GAB2: variants seen among roughly 807,000 people sequenced by gnomAD.
GAB2 encodes the protein GRB2-associated-binding protein 2.
In GAB2, 26 loss-of-function variants were observed where a neutral mutation model predicts 65.5. The ratio of observed to expected loss-of-function variants is 0.40; its 90% confidence interval spans 0.29 to 0.55. The LOEUF (loss-of-function observed/expected upper bound fraction) is 0.55, where lower values mean the gene tolerates loss of function less well. Ranked by LOEUF, GAB2 falls within the 20% of genes least tolerant of loss-of-function variation. GAB2 has a pLI of 0.53. For synonymous variants in GAB2, 321 were observed against 329.6 expected (o/e 0.97, Z 0.28); for missense variants, 884 against 875.8 (o/e 1.01, Z -0.12).
intron 1 of GAB2, among the ~76,000 whole-genome samples, chr11:78,362,715 C>G (rs371600598): frequency 1.3e-5 from 2 of 152,162 alleles, no homozygotes; most frequent in East Asian, 3.9e-4. Context: ...TAGCTACATA[C>G]TGTTTTTTAA....
intron 2 of GAB2, among the ~76,000 whole-genome samples, chr11:78,266,157 G>A (rs1346470169): frequency 7.8e-6 from 1 of 128,936 alleles, no homozygotes; most frequent in African/African-American, 2.9e-5. Flanking sequence ...GGAGGCTGCA[G>A]TGAGCCAAGA....
chr11:78,301,335 TTG>T lies in GAB2; in HGVS notation c.76-20436_76-20435del, dbSNP rs914650197. Among the ~76,000 whole-genome samples the T allele has an allele frequency of 2.0e-5, 3 of 150,644 alleles. 1 individual carries two copies. Among genetic ancestry groups the T allele is most frequent in the African/African-American group, 5.0e-5 (2 of 40,390 alleles). On this transcript the variant is annotated intron_variant, in intron 1 of 9. Coordinates refer to ENST00000361507, the MANE Select transcript of GAB2 (RefSeq NM_080491.3). ...TTTCTTAGTGGTATCTTGTGGTTTT[TTG>T]TTTTTTTTTTGAGACAGAGTCTTGC... is the stretch of plus-strand genomic sequence containing the variant.
At chr11:78,348,345 C>A (rs1475146105) in intron 1 of GAB2, among the ~76,000 whole-genome samples, 1 of 152,146 alleles carries the variant, frequency 6.6e-6, no homozygotes, top group African/African-American at 2.4e-5. Flanking sequence ...TTCTATCTTA[C>A]AAAGAACTGG....
chr11:78,242,122 CAA>C (rs71046961), intron 3 of GAB2, among the ~76,000 whole-genome samples: 88,183 of 151,832 alleles, frequency 0.58, 29,598 homozygotes, highest in Non-Finnish European at 0.78. Flanking sequence ...AAATCAGTAA[CAA>C]GAGGAAATTT....
chr11:78,289,171 A>G (rs1377130321), intron 1 of GAB2, among the ~76,000 whole-genome samples: 4 of 152,222 alleles, frequency 2.6e-5, no homozygotes, highest in Admixed American at 2.6e-4. Flanking sequence ...GGGCCAAGGT[A>G]GGTGGATCAC....
At chr11:78,337,582 T>C (rs1856023309) in intron 1 of GAB2, among the ~76,000 whole-genome samples, 2 of 152,184 alleles carry the variant, frequency 1.3e-5, no homozygotes, top group South Asian at 4.1e-4. Context: ...GGTAGAGTAT[T>C]AGGCAAAGAA....
In GAB2 at chr11:78,223,638, A is replaced by G. The variant is rs930981870; in HGVS notation, c.1341T>C (p.Asn447=). Residue 447 remains asparagine (N), a synonymous_variant, in exon 6 of 10, where the codon AAT becomes AAC. Coordinates refer to ENST00000361507, the MANE Select transcript of GAB2 (RefSeq NM_080491.3). ...TCATGGGCACATAGTTGTCTTCAGA[A>G]TTGGTGCTGTCCGATCGGCCCACAA... ...KMIVGRSDST[N]SEDNYVPMNP... is the part of the protein sequence containing the mutation. 1.9e-6 allele frequency: 3 copies of G among 1,612,176 alleles called. No individual in the cohort carries two copies. In the African/African-American group the frequency reaches 4.0e-5, roughly 22 times the overall value.
rs534881337 is a variant in GAB2 at position 78,323,800 on chromosome 11, T to C, written c.76-42899A>G. 4.2e-5 allele frequency among the ~76,000 whole-genome samples: 6 copies of C among 141,222 alleles called. No homozygotes were observed. In the East Asian group the frequency reaches 8.3e-4, roughly 19 times the overall value. 92.6% of individuals were successfully genotyped at this position (141,222 alleles called of 152,430 possible). On this transcript the variant is annotated intron_variant, in intron 1 of 9. Transcript: ENST00000361507. ...ACCCCCTGAATCTTTCTTTTTTTTT[T>C]TTTTTTTTTTTTTTTGAGACAAAGC...
chr11:78,347,526 T>A (rs1243217222), intron 1 of GAB2, among the ~76,000 whole-genome samples: 1 of 152,164 alleles, frequency 6.6e-6, no homozygotes, highest in East Asian at 1.9e-4. Context: ...AGGATAATTA[T>A]CTTAGAACAT....
intron 1 of GAB2, among the ~76,000 whole-genome samples, chr11:78,337,481 G>T (rs780403824): frequency 1.3e-5 from 2 of 152,144 alleles, no homozygotes; most frequent in Non-Finnish European, 2.9e-5. Context: ...AGTAATAAAA[G>T]AATGGAATGA....
chr11:78,261,655 A>G (rs1252813986), intron 2 of GAB2, among the ~76,000 whole-genome samples: 1 of 152,152 alleles, frequency 6.6e-6, no homozygotes, highest in Non-Finnish European at 1.5e-5. Context: ...GGATTCATTC[A>G]TATTTGAAAT....
intron 1 of GAB2, among the ~76,000 whole-genome samples, chr11:78,292,569 T>C (rs985671942): frequency 1.3e-5 from 2 of 152,212 alleles, no homozygotes; most frequent in Admixed American, 1.3e-4. Flanking sequence ...GAACATATGA[T>C]GTACAAGTCT....
chr11:78,304,969 T>C (rs1319522842), intron 1 of GAB2, among the ~76,000 whole-genome samples: 2 of 152,190 alleles, frequency 1.3e-5, no homozygotes. Context: ...AAGATTCCAC[T>C]TGAATGCCCA....
chr11:78,278,990 C>CG (rs1554982532), intron 2 of GAB2, among the ~76,000 whole-genome samples: 3 of 151,654 alleles, frequency 2.0e-5, no homozygotes, highest in African/African-American at 7.3e-5. Flanking sequence ...CCCTCTACCA[C>CG]TTTTTTTTAC....
At chr11:78,236,612 T>C (rs1403027103) in intron 3 of GAB2, among the ~76,000 whole-genome samples, 4 of 152,208 alleles carry the variant, frequency 2.6e-5, no homozygotes, top group Non-Finnish European at 5.9e-5. Flanking sequence ...TCCTTAGAAG[T>C]CCTTTATCAG....
chr11:78,408,683 C>A (rs1469636543), intron 1 of GAB2, among the ~76,000 whole-genome samples: 1 of 152,064 alleles, frequency 6.6e-6, no homozygotes, highest in South Asian at 2.1e-4. Flanking sequence ...GGAGGTGGGG[C>A]CTGATGGGAA....
intron 1 of GAB2, among the ~76,000 whole-genome samples, chr11:78,361,469 T>C (rs1856434102): frequency 6.7e-6 from 1 of 150,140 alleles, no homozygotes; most frequent in South Asian, 2.1e-4. Flanking sequence ...GTAACTTGGG[T>C]TAGAAGTCAT....
At chr11:78,343,153 A>G (rs902387747) in intron 1 of GAB2, among the ~76,000 whole-genome samples, 1 of 152,214 alleles carries the variant, frequency 6.6e-6, no homozygotes, top group Non-Finnish European at 1.5e-5. Context: ...CAAGAAATTC[A>G]TAATCTGAAC....
chr11:78,386,182 T>G (rs1310857532), intron 1 of GAB2, among the ~76,000 whole-genome samples: 1 of 152,198 alleles, frequency 6.6e-6, no homozygotes, highest in Non-Finnish European at 1.5e-5. Flanking sequence ...ATTCTATCTA[T>G]GTGAACAATC....
Sources: allele counts gnomAD v4.1 joint callset (sites outside exome capture counted in the v4.1 genomes callset), GRCh38; gene constraint gnomAD v4.1.1; transcripts MANE v1.5; gene names NCBI Gene and HGNC (gene_info 2026-07-23, HGNC 2026-07-21).